Variants in GTF2IRD1 observed in about 807,000 individuals in gnomAD.
GTF2IRD1 encodes general transcription factor II-I repeat domain-containing protein 1.
In GTF2IRD1, 26 loss-of-function variants were observed where a neutral mutation model predicts 113.2. The ratio of observed to expected loss-of-function variants is 0.23; its 90% CI spans 0.17 to 0.32. GTF2IRD1 has a LOEUF of 0.32. Among genes scored for constraint, GTF2IRD1 ranks in the 10% least tolerant of loss-of-function variants. GTF2IRD1 has a pLI of 1.00. For synonymous variants in GTF2IRD1, 484 were observed against 529.1 expected, an observed-to-expected ratio of 0.91 and a Z score of 1.17; for missense variants, 864 against 1,280.8, an observed-to-expected ratio of 0.67 and a Z score of 4.97.
chr7:74,500,405 A>C (rs1554339121), intron 1 of GTF2IRD1, among the ~76,000 whole-genome samples: 1 of 151,238 alleles, frequency 6.6e-6, no homozygotes, highest in African/African-American at 2.4e-5. Context: ...AAACATAGTG[A>C]GACCCTATCT....
At chr7:74,463,285 G>A (rs1793497114) in intron 1 of GTF2IRD1, among the ~76,000 whole-genome samples, 1 of 152,176 alleles carries the variant, frequency 6.6e-6, no homozygotes, top group South Asian at 2.1e-4. Flanking sequence ...ACCCAGGCTG[G>A]AGTGCAGTGG....
rs540157768 is a variant in GTF2IRD1, at chr7:74,471,084, C to T, written c.-7+16908C>T. 1.1e-4 allele frequency among the ~76,000 whole-genome samples: 16 copies of T among 152,258 alleles called. 1 individual carries two copies. Among genetic ancestry groups the T allele is most frequent in the Admixed American group, 1.0e-3 (16 of 15,290 alleles). On this transcript the variant is annotated intron_variant, in intron 1 of 26. Coordinates refer to ENST00000424337, the MANE Select transcript of GTF2IRD1 (RefSeq NM_005685.4). ...CCTCCCAAAGTGCTGGGATTACAGG[C>T]GTGAGCCACCGTGCCCGGCCTCTGG... is the stretch of plus-strand genomic sequence containing the variant.
At chr7:74,595,750 G>A (rs587748875) in intron 25 of GTF2IRD1, among the ~76,000 whole-genome samples, 7 of 152,340 alleles carry the variant, frequency 4.6e-5, no homozygotes, top group Non-Finnish European at 7.3e-5. Flanking sequence ...GCACCAGTGA[G>A]TGTATGAGGT....
chr7:74,477,520 G>GA (rs1794496851), intron 1 of GTF2IRD1, among the ~76,000 whole-genome samples: 1 of 151,764 alleles, frequency 6.6e-6, no homozygotes, highest in Non-Finnish European at 1.5e-5. Flanking sequence ...GGGGCATGGG[G>GA]ATCCTTCCAT....
intron 22 of GTF2IRD1, among the ~76,000 whole-genome samples, chr7:74,583,797 A>G (rs1340290788): frequency 3.9e-5 from 6 of 152,126 alleles, no homozygotes; most frequent in African/African-American, 1.4e-4. Flanking sequence ...GATTGGCTAA[A>G]GCATGTTGAG....
At chr7:74,465,125 T>C (rs1418834423) in intron 1 of GTF2IRD1, among the ~76,000 whole-genome samples, 19 of 152,162 alleles carry the variant, frequency 1.2e-4, no homozygotes, top group African/African-American at 4.1e-4. Context: ...CTTCTTGCAG[T>C]GAGGCCAGGT....
chr7:74,560,547 T>A (rs1427007619), intron 22 of GTF2IRD1, among the ~76,000 whole-genome samples: 1 of 147,020 alleles, frequency 6.8e-6, no homozygotes, highest in Non-Finnish European at 1.5e-5. Context: ...TATATATAAT[T>A]AAAAATATTA....
Position 74,518,248 on chromosome 7 carries a change from G to T in GTF2IRD1, c.531G>T (p.Arg177Ser), listed in dbSNP as rs782125268. The T allele has an allele frequency of 1.5e-5, 24 of 1,611,972 alleles. No individual in the cohort carries two copies. In the East Asian group the frequency reaches 1.6e-4, roughly 10 times the overall value. ...QGLPEGLAFR[R>S]PAEYDPKALM... is the part of the protein sequence containing the mutation. ...TGCCCGAAGGCCTGGCCTTCCGAAGGCCAGCCGAGTATGACCCCAAGGCCC... is the reference window on the plus strand; with the variant it reads ...TGCCCGAAGGCCTGGCCTTCCGAAGTCCAGCCGAGTATGACCCCAAGGCCC... The change falls in exon 5 of 27, where the codon AGG (arginine) becomes AGT (serine). Residue 177 changes from arginine to serine, a missense_variant. Arg to Ser is a moderately radical substitution (Grantham distance 110). Transcript: ENST00000424337.
intron 14 of GTF2IRD1, 70 bp from the exon 15 acceptor site, chr7:74,544,685 C>A (rs1798822245): frequency 6.7e-7 from 1 of 1,489,080 alleles, no homozygotes; most frequent in Non-Finnish European, 9.3e-7. Context: ...AGCTATCTGG[C>A]CTGACGTCGG....
intron 1 of GTF2IRD1, among the ~76,000 whole-genome samples, chr7:74,466,855 C>G (rs577303631): frequency 2.5e-4 from 38 of 151,904 alleles, no homozygotes; most frequent in Admixed American, 5.2e-4. Context: ...CTGCCTGTTG[C>G]GGAGTGGGCA....
chr7:74,583,371 CT>C (rs1168890388), intron 22 of GTF2IRD1, among the ~76,000 whole-genome samples: 14,302 of 122,290 alleles, frequency 0.12, 463 homozygotes, highest in Middle Eastern at 0.16. Context: ...CTTTTTTTTT[CT>C]TTTTTTTTTT....
At chr7:74,528,369 AT>A (rs1797723554) in intron 8 of GTF2IRD1, among the ~76,000 whole-genome samples, 1 of 152,008 alleles carries the variant, frequency 6.6e-6, no homozygotes, top group Admixed American at 6.6e-5. Flanking sequence ...AGCCCGGCTA[AT>A]TTTTTGTATT....
intron 22 of GTF2IRD1, among the ~76,000 whole-genome samples, chr7:74,574,891 C>G (rs1554363974): frequency 1.3e-5 from 2 of 151,726 alleles, no homozygotes; most frequent in Admixed American, 1.3e-4. Context: ...GAGTTTGAGA[C>G]CAGCCTGGCT....
In GTF2IRD1 at chr7:74,602,330, G is replaced by A. The variant is rs1802809514; in HGVS notation, c.2767-35G>A. 5 of 1,603,466 alleles carry A rather than the reference G, an allele frequency of 3.1e-6. No individual in the cohort carries two copies. In the South Asian group the frequency reaches 5.6e-5, roughly 18 times the overall value. On this transcript the variant is annotated intron_variant, in intron 26 of 26. Coordinates refer to ENST00000424337, the MANE Select transcript of GTF2IRD1 (RefSeq NM_005685.4). Reference sequence around the variant, plus strand: ...TTTTGGGTTTGTTCCGCATCACCTGGAGTCCTAATCCAGTCCCTTTGTCCC... The same window carrying A: ...TTTTGGGTTTGTTCCGCATCACCTGAAGTCCTAATCCAGTCCCTTTGTCCC...
intron 1 of GTF2IRD1, among the ~76,000 whole-genome samples, chr7:74,496,492 T>TGTGG (rs1795718478): frequency 7.5e-6 from 1 of 132,780 alleles, no homozygotes; most frequent in Admixed American, 7.3e-5. Context: ...CGTATGTGTG[T>TGTGG]GTGTGTGTGT....
chr7:74,515,230 C>A, intron 3 of GTF2IRD1: 1 of 948,906 alleles, frequency 1.1e-6, no homozygotes, highest in Non-Finnish European at 1.6e-6. Context: ...TGAGGCCCAG[C>A]CCTGGGAACT....
At position 74,512,726 on chromosome 7, in the gene GTF2IRD1, G is replaced by T. The variant is rs4717898; in HGVS notation, c.124-104G>T. The T allele has an allele frequency of 3.7e-3, 3,871 of 1,046,912 alleles. 209 individuals are homozygous for T. In the Admixed American group the frequency reaches 0.08, roughly 22 times the overall value. The allele number at this position is 1,046,912 out of a possible 1,614,324, so 64.9% of individuals were successfully genotyped here. A position where few individuals can be genotyped will look rare whatever the true frequency, so the allele number is the denominator to read the frequency against. ...CCGTCTGTCCCTGGAGCTGCTGCTG[G>T]GGTCTCAGGCAGCTGGGAGCTCACA... is the stretch of plus-strand genomic sequence containing the variant. On this transcript the variant is annotated intron_variant, in intron 2 of 26. Coordinates refer to ENST00000424337, the MANE Select transcript of GTF2IRD1 (RefSeq NM_005685.4). The surrounding 1 kb of genome is among the most constrained non-coding windows in gnomAD (Gnocchi z 4.4).
chr7:74,539,136 A>G (rs1378517346), intron 13 of GTF2IRD1, among the ~76,000 whole-genome samples: 1 of 152,128 alleles, frequency 6.6e-6, no homozygotes, highest in Non-Finnish European at 1.5e-5. Context: ...GAGCCTCAGT[A>G]CGGGGTGACT....
intron 22 of GTF2IRD1, among the ~76,000 whole-genome samples, chr7:74,587,237 G>A (rs1275237517): frequency 2.0e-5 from 3 of 152,116 alleles, no homozygotes; most frequent in Non-Finnish European, 2.9e-5. Context: ...CTGAGCTCAG[G>A]AGTTTGAGAC....
Sources: gnomAD v4.1 joint callset for allele counts (sites outside exome capture counted in the v4.1 genomes callset) on GRCh38, gnomAD v4.1.1 for gene constraint, Gnocchi (gnomAD v3.1) non-coding constraint, MANE v1.5 for transcripts, NCBI Gene and HGNC (gene_info 2026-07-23, HGNC 2026-07-21) for gene names.